Variants in CHST11 observed in about 807,000 individuals in gnomAD.
CHST11 encodes the protein carbohydrate sulfotransferase 11.
A neutral mutation model predicts 30.4 loss-of-function variants in CHST11; 9 were observed. The ratio of observed to expected loss-of-function variants is 0.30; its 90% CI spans 0.18 to 0.52. The LOEUF is 0.52. CHST11 is among the 20% of genes least tolerant of loss of function. CHST11 has a pLI of 0.97. For missense variants in CHST11, 348 were observed against 460.6 expected (o/e 0.76, Z 2.24); for synonymous variants, 152 against 187.8 (o/e 0.81, Z 1.56).
intron 2 of CHST11, among the ~76,000 whole-genome samples, chr12:104,668,180 A>T (rs1376524707): frequency 6.6e-6 from 1 of 152,156 alleles, no homozygotes; most frequent in Non-Finnish European, 1.5e-5. Context: ...GACAGTATTT[A>T]TGAGCACCCC....
chr12:104,718,635 GC>G (rs1399220351), intron 2 of CHST11, among the ~76,000 whole-genome samples: 2 of 152,020 alleles, frequency 1.3e-5, no homozygotes, highest in Non-Finnish European at 2.9e-5. Flanking sequence ...AGTTCCCCAG[GC>G]CCCCCATAGA....
rs555724347 is a variant in CHST11 at position 104,648,613 on chromosome 12, C to T, written c.204+46622C>T. On this transcript the variant is annotated intron_variant, in intron 2 of 2. Transcript: ENST00000303694. ...TCACTTGCGGTCAGGAGTTCGAGACCAGCCTGGCTAACATGGAGAAACCCC... is the reference window on the plus strand; with the variant it reads ...TCACTTGCGGTCAGGAGTTCGAGACTAGCCTGGCTAACATGGAGAAACCCC... 3.4e-4 allele frequency among the ~76,000 whole-genome samples: 51 copies of T among 152,174 alleles called. 1 individual carries two copies. The highest frequency in any genetic ancestry group is 6.3e-4 in the Non-Finnish European group (43 of 67,988).
At chr12:104,670,672 T>C (rs200618106) in intron 2 of CHST11, among the ~76,000 whole-genome samples, 48 of 124,718 alleles carry the variant, frequency 3.8e-4, no homozygotes, top group African/African-American at 1.6e-3. Flanking sequence ...CACACACAAA[T>C]ATACTCTCAC....
At chr12:104,481,949 T>G (rs1403739007) in intron 1 of CHST11, among the ~76,000 whole-genome samples, 1 of 151,486 alleles carries the variant, frequency 6.6e-6, no homozygotes, top group Non-Finnish European at 1.5e-5. Context: ...GCAATTCTCC[T>G]GCCTCAGCCT....
chr12:104,579,949 G>A (rs2038723640), intron 1 of CHST11, among the ~76,000 whole-genome samples: 1 of 152,164 alleles, frequency 6.6e-6, no homozygotes, highest in African/African-American at 2.4e-5. Context: ...ACCAGCTTTG[G>A]TCATCAAGGA....
rs766999317 is a variant in CHST11, at chr12:104,757,326, C to T, written c.582C>T (p.Ser194=). ...GGGAGCCCTTCGAGAGGCTAGTGTC[C>T]GCCTACCGCAACAAGTTCACCCAGA... ...FVREPFERLV[S]AYRNKFTQKY... The change falls in exon 3 of 3, where the codon TCC becomes TCT. Residue 194 remains serine, a synonymous_variant. Coordinates refer to ENST00000303694, the MANE Select transcript of CHST11 (RefSeq NM_018413.6). This position sits in a 1 kb window ranked among gnomAD's most constrained non-coding sequence, Gnocchi z 6.5. 75 of 1,613,952 alleles carry T rather than the reference C, an allele frequency of 4.6e-5. No individual in the cohort carries two copies. Among genetic ancestry groups the T allele is most frequent in the Non-Finnish European group, 5.9e-5 (70 of 1,180,030 alleles).
intron 2 of CHST11, among the ~76,000 whole-genome samples, chr12:104,701,512 A>G (rs751386169): frequency 1.3e-5 from 2 of 152,048 alleles, no homozygotes; most frequent in African/African-American, 2.4e-5. Flanking sequence ...CCCAGATCTG[A>G]GAAGATGGGG....
chr12:104,662,345 G>T (rs2039605329), intron 2 of CHST11, among the ~76,000 whole-genome samples: 1 of 152,136 alleles, frequency 6.6e-6, no homozygotes, highest in South Asian at 2.1e-4. Context: ...CTACCTCGTG[G>T]GGTGGTTGTG....
chr12:104,760,328 A>T lies in CHST11; in HGVS notation c.*2525A>T, dbSNP rs946337557. 1 of 152,234 alleles carries T rather than the reference A, an allele frequency of 6.6e-6. No homozygotes were observed. Among genetic ancestry groups the T allele is most frequent in the African/African-American group, 2.4e-5 (1 of 41,544 alleles). The allele number at this position is 152,234 out of a possible 1,614,324, so 9.4% of individuals were successfully genotyped here. A position where few individuals can be genotyped will look rare whatever the true frequency, so the allele number is the denominator to read the frequency against. On this transcript the variant is annotated 3_prime_UTR_variant, in exon 3 of 3. Transcript: ENST00000303694. ...GCAACAGAGGTACTTTATTTAATGA[A>T]GCAATGGTTCTAATCCTGGATACTG...
intron 2 of CHST11, among the ~76,000 whole-genome samples, chr12:104,646,949 C>T (rs1000951701): frequency 1.3e-5 from 2 of 152,208 alleles, no homozygotes; most frequent in African/African-American, 4.8e-5. Flanking sequence ...AAGCCAAGTA[C>T]CTGCTGTCAG....
intron 1 of CHST11, among the ~76,000 whole-genome samples, chr12:104,498,846 C>A (rs552976142): frequency 1.3e-5 from 2 of 152,100 alleles, no homozygotes; most frequent in Non-Finnish European, 2.9e-5. Context: ...ACCTTTAATA[C>A]GATAGTTTTT....
chr12:104,612,711 A>T (rs1222152603), intron 2 of CHST11, among the ~76,000 whole-genome samples: 1 of 152,156 alleles, frequency 6.6e-6, no homozygotes, highest in African/African-American at 2.4e-5. Context: ...AGGGACATGG[A>T]GAAGAGGGAA....
intron 2 of CHST11, among the ~76,000 whole-genome samples, chr12:104,751,422 C>T (rs193124666): frequency 4.5e-4 from 68 of 152,254 alleles, no homozygotes; most frequent in Non-Finnish European, 6.9e-4. Flanking sequence ...TGTTCAATAG[C>T]CCAAGAGGCC....
At position 104,632,790 on chromosome 12, in the gene CHST11, G is replaced by A. The variant is rs183370435; in HGVS notation, c.204+30799G>A. Among the ~76,000 whole-genome samples, 21 of 152,308 alleles carry A rather than the reference G, an allele frequency of 1.4e-4. No individual in the cohort carries two copies. In the South Asian group the frequency reaches 1.9e-3, roughly 14 times the overall value. On this transcript the variant is annotated intron_variant, in intron 2 of 2. Coordinates refer to ENST00000303694, the MANE Select transcript of CHST11 (RefSeq NM_018413.6). ...AGTGCTCTGCAGGAGGCGCCCACTC[G>A]TTCCCGGTCCTCCTCCGGGAGGAGC...
At chr12:104,655,099 T>C (rs1053428327) in intron 2 of CHST11, among the ~76,000 whole-genome samples, 3 of 152,118 alleles carry the variant, frequency 2.0e-5, no homozygotes, top group Non-Finnish European at 4.4e-5. Context: ...ACTCAGAAAG[T>C]GGTGGTTGGT....
intron 1 of CHST11, among the ~76,000 whole-genome samples, chr12:104,507,168 G>T (rs951545103): frequency 2.0e-5 from 3 of 152,178 alleles, no homozygotes; most frequent in African/African-American, 7.2e-5. Context: ...GGCTCCCTGT[G>T]CGTGTTGCAG....
At chr12:104,488,379 ATGTG>A (rs982683849) in intron 1 of CHST11, among the ~76,000 whole-genome samples, 1 of 149,658 alleles carries the variant, frequency 6.7e-6, no homozygotes, top group African/African-American at 2.5e-5. Flanking sequence ...ATGCGTGTGT[ATGTG>A]TGTGTATGTG....
At chr12:104,562,177 C>G (rs1327930698) in intron 1 of CHST11, among the ~76,000 whole-genome samples, 1 of 152,018 alleles carries the variant, frequency 6.6e-6, no homozygotes, top group Non-Finnish European at 1.5e-5. Context: ...GTCATCCACC[C>G]GAAATGGAAT....
intron 2 of CHST11, among the ~76,000 whole-genome samples, chr12:104,606,983 T>G (rs2039011591): frequency 6.6e-6 from 1 of 152,092 alleles, no homozygotes; most frequent in Middle Eastern, 3.4e-3. Flanking sequence ...CAGGAAAACC[T>G]GGGAGGCGGA....
Sources: gnomAD v4.1 joint callset for allele counts (sites outside exome capture counted in the v4.1 genomes callset) on GRCh38, gnomAD v4.1.1 for gene constraint, Gnocchi (gnomAD v3.1) non-coding constraint, MANE v1.5 for transcripts, NCBI Gene and HGNC (gene_info 2026-07-23, HGNC 2026-07-21) for gene names.